The following EXOC6B variants were observed in gnomAD, a reference collection of about 807,000 sequenced individuals.
EXOC6B encodes exocyst complex component 6B, also known as SEC15 homolog B.
A neutral mutation model predicts 113.5 loss-of-function variants in EXOC6B; 54 were observed. That is an observed-to-expected ratio of 0.48 (90% CI 0.38 to 0.60). The LOEUF (loss-of-function observed/expected upper bound fraction) is 0.60. Among genes scored for constraint, EXOC6B ranks in the 20% least tolerant of loss-of-function variants. EXOC6B has a pLI of 0.00. For missense variants in EXOC6B, 797 were observed against 977.5 expected, an observed-to-expected ratio of 0.82 and a Z score of 2.46; for synonymous variants, 357 against 339.0, an observed-to-expected ratio of 1.05 and a Z score of -0.58.
chr2:72,803,318 A>G (rs187271528), intron 1 of EXOC6B, among the ~76,000 whole-genome samples: 2 of 152,246 alleles, frequency 1.3e-5, no homozygotes, highest in East Asian at 3.9e-4. Flanking sequence ...AAAAAAAAAA[A>G]CAAATGAACT....
chr2:72,223,096 C>T (rs1680979747), intron 20 of EXOC6B, among the ~76,000 whole-genome samples: 1 of 152,164 alleles, frequency 6.6e-6, no homozygotes, highest in Non-Finnish European at 1.5e-5. Context: ...CCACAGCTGC[C>T]TGTTCCTTGG....
chr2:72,343,424 C>T (rs1689148639), intron 19 of EXOC6B, among the ~76,000 whole-genome samples: 1 of 152,076 alleles, frequency 6.6e-6, no homozygotes, highest in African/African-American at 2.4e-5. Flanking sequence ...GAGACTGTGT[C>T]AAAACAAACA....
chr2:72,766,406 A>T (rs1683063171), intron 1 of EXOC6B, among the ~76,000 whole-genome samples: 1 of 152,146 alleles, frequency 6.6e-6, no homozygotes, highest in Non-Finnish European at 1.5e-5. Context: ...AGATCACATG[A>T]CTAAAAATCA....
chr2:72,733,780 G>T (rs1485274125), intron 2 of EXOC6B, among the ~76,000 whole-genome samples: 1 of 152,062 alleles, frequency 6.6e-6, no homozygotes, highest in African/African-American at 2.4e-5. Context: ...AATTATATAG[G>T]ATAGTAATTT....
intron 1 of EXOC6B, among the ~76,000 whole-genome samples, chr2:72,766,116 G>T (rs1683044706): frequency 6.6e-6 from 1 of 152,184 alleles, no homozygotes; most frequent in Non-Finnish European, 1.5e-5. Context: ...AAAGAATTAA[G>T]GATCTACCAA....
At chr2:72,631,744 TCCACCCGCC>T (rs907729073) in intron 6 of EXOC6B, among the ~76,000 whole-genome samples, 1 of 151,884 alleles carries the variant, frequency 6.6e-6, no homozygotes, top group Non-Finnish European at 1.5e-5. Flanking sequence ...GCTCAAGCAA[TCCACCCGCC>T]TTGGCCTCCC....
At chr2:72,749,958 T>C (rs1681935081) in intron 1 of EXOC6B, among the ~76,000 whole-genome samples, 1 of 151,732 alleles carries the variant, frequency 6.6e-6, no homozygotes. Context: ...GATGTATATG[T>C]TATGTATACT....
chr2:72,200,300 A>C (rs1483048774), intron 20 of EXOC6B, among the ~76,000 whole-genome samples: 1 of 152,238 alleles, frequency 6.6e-6, no homozygotes. Flanking sequence ...TAAAACTCAC[A>C]TTTACTGATG....
intron 5 of EXOC6B, among the ~76,000 whole-genome samples, chr2:72,726,392 T>G (rs1464043942): frequency 6.6e-6 from 1 of 151,482 alleles, no homozygotes; most frequent in Non-Finnish European, 1.5e-5. Context: ...AAACTGAAGG[T>G]GAAATAAATA....
chr2:72,495,140 G>C (rs74402944), intron 15 of EXOC6B, among the ~76,000 whole-genome samples: 9 of 152,006 alleles, frequency 5.9e-5, no homozygotes, highest in African/African-American at 2.2e-4. Flanking sequence ...TTACAAAAAT[G>C]AGCCACTGCA....
chr2:72,447,258 A>G, intron 18 of EXOC6B, among the ~76,000 whole-genome samples: 1 of 152,194 alleles, frequency 6.6e-6, no homozygotes, highest in South Asian at 2.1e-4. Flanking sequence ...TGAGCTAGTT[A>G]CTTGAGGGAA....
At chr2:72,451,725 T>C (rs901752000) in intron 18 of EXOC6B, among the ~76,000 whole-genome samples, 1 of 151,196 alleles carries the variant, frequency 6.6e-6, no homozygotes, top group Non-Finnish European at 1.5e-5. Flanking sequence ...AGTTTTTCCT[T>C]AGGAAGAGAG....
intron 18 of EXOC6B, among the ~76,000 whole-genome samples, chr2:72,444,557 C>A (rs1696445525): frequency 6.6e-6 from 1 of 152,248 alleles, no homozygotes; most frequent in Admixed American, 6.5e-5. Flanking sequence ...CAGCAAACTT[C>A]TGCCTGGATA....
chr2:72,186,767 G>A (rs1678458994), intron 20 of EXOC6B, among the ~76,000 whole-genome samples: 1 of 152,164 alleles, frequency 6.6e-6, no homozygotes, highest in African/African-American at 2.4e-5. Context: ...CAGATTTATT[G>A]CTAATACTAC....
chr2:72,318,236 AACAACATCAGTTCCTACTGACCCATG>A (rs1453042928), intron 20 of EXOC6B, among the ~76,000 whole-genome samples: 1 of 152,182 alleles, frequency 6.6e-6, no homozygotes, highest in African/African-American at 2.4e-5. Flanking sequence ...AAAACTAAGA[AACAACATCAGTTCCTACTGACCCATG>A]GTAAAATCAA....
intron 13 of EXOC6B, among the ~76,000 whole-genome samples, 177 bp from the exon 14 acceptor site, chr2:72,496,736 A>ATATTTC (rs1377964930): frequency 6.6e-6 from 1 of 152,022 alleles, no homozygotes; most frequent in Non-Finnish European, 1.5e-5. Context: ...TCCTTCCACA[A>ATATTTC]TATAGCTATT....
intron 1 of EXOC6B, among the ~76,000 whole-genome samples, chr2:72,768,122 A>C (rs1226488398): frequency 9.5e-6 from 1 of 105,096 alleles, no homozygotes; most frequent in Non-Finnish European, 2.3e-5. Context: ...AGACTCCGTT[A>C]AAAAAAAAAA....
chr2:72,584,540 C>T (rs1705430013), intron 6 of EXOC6B, among the ~76,000 whole-genome samples: 1 of 152,170 alleles, frequency 6.6e-6, no homozygotes, highest in South Asian at 2.1e-4. Context: ...TAAGAAAAGA[C>T]TCAGACAACC....
At chr2:72,398,187 T>C (rs563142986) in intron 18 of EXOC6B, among the ~76,000 whole-genome samples, 1 of 152,318 alleles carries the variant, frequency 6.6e-6, no homozygotes, top group East Asian at 1.9e-4. Flanking sequence ...CCAGACCATC[T>C]TGCAGTTAAG....
Sources: gnomAD v4.1 joint callset for allele counts (sites outside exome capture counted in the v4.1 genomes callset) on GRCh38, gnomAD v4.1.1 for gene constraint, MANE v1.5 for transcripts, NCBI Gene and HGNC (gene_info 2026-07-23, HGNC 2026-07-21) for gene names.